Variants in RRP12 observed in about 807,000 individuals in gnomAD.
RRP12 encodes ribosomal RNA processing 12 homolog, also known as RRP12-like protein.
In RRP12, 78 loss-of-function variants were observed where a neutral mutation model predicts 157.3. That is an observed-to-expected ratio of 0.50 (90% CI 0.41 to 0.60). RRP12 has a LOEUF of 0.60. RRP12 is among the 20% of genes least tolerant of loss of function. RRP12 has a pLI of 0.00. For missense variants in RRP12, 1,521 were observed against 1,679.9 expected (o/e 0.91, Z 1.65); for synonymous variants, 726 against 670.9 (o/e 1.08, Z -1.27).
At position 97,388,615 on chromosome 10, in the gene RRP12, C is replaced by T. The variant is rs755167096; in HGVS notation, c.763G>A (p.Ala255Thr). 2 of 1,613,972 alleles carry T rather than the reference C, an allele frequency of 1.2e-6. No individual in the cohort carries two copies. The highest frequency in any genetic ancestry group is 2.2e-5 in the South Asian group (2 of 91,078). The change falls in exon 7 of 34, where the codon GCT becomes ACT. Residue 255 changes from alanine (A) to threonine (T), a missense_variant. Ala to Thr is a moderately conservative substitution (Grantham distance 58). Transcript: ENST00000370992. The stretch of plus-strand genomic sequence containing the variant: ...ACTGAGCATACTCCATGCTGGGCAG[C>T]CTTCCGGATCTGAGGGGCAAGGAGA... ...TVHPKPKIRKAAQHGVCSVLK... is the reference protein window; with the variant it reads ...TVHPKPKIRKTAQHGVCSVLK...
rs1456384089 is a variant in RRP12, at chr10:97,366,759, G to C, written c.3198C>G (p.Ala1066=). Residue 1066 remains alanine (A), a synonymous_variant, in exon 27 of 34, where the codon GCC becomes GCG. Coordinates refer to ENST00000370992, the MANE Select transcript of RRP12 (RefSeq NM_015179.4). ...GGTCTCACCTGTCACCTTTGCCCTGGGCGGGCTCCTCCTCCTCCTCCTCCT... is the reference window on the plus strand; with the variant it reads ...GGTCTCACCTGTCACCTTTGCCCTGCGCGGGCTCCTCCTCCTCCTCCTCCT... ...EEEEEEEEEP[A]QGKGDSIEEI... The C allele has an allele frequency of 6.2e-7, 1 of 1,612,346 alleles. No homozygotes were observed. Among genetic ancestry groups the C allele is most frequent in the Non-Finnish European group, 8.5e-7 (1 of 1,179,764 alleles).
intron 2 of RRP12, among the ~76,000 whole-genome samples, chr10:97,399,683 C>T (rs539570056): frequency 6.6e-5 from 10 of 151,234 alleles, no homozygotes; most frequent in South Asian, 4.2e-4. Context: ...GGTGAAACCC[C>T]GTCTCTACTA....
Position 97,390,677 on chromosome 10 carries a change from C to T in RRP12, c.636+62G>A, listed in dbSNP as rs1300518682. Reference sequence around the variant, plus strand: ...AAACCCCTCTCAGGGAACATCTAAGCATCACCAAATCAGACAGGCTCTGGG... The same window carrying T: ...AAACCCCTCTCAGGGAACATCTAAGTATCACCAAATCAGACAGGCTCTGGG... On this transcript the variant is annotated intron_variant, in intron 5 of 33. Coordinates refer to ENST00000370992, the MANE Select transcript of RRP12 (RefSeq NM_015179.4). 4.9e-5 allele frequency: 69 copies of T among 1,409,770 alleles called. No individual in the cohort carries two copies. In the South Asian group the frequency reaches 7.8e-4, roughly 16 times the overall value. The allele number at this position is 1,409,770 out of a possible 1,614,324, so 87.3% of individuals were successfully genotyped here. A position where few individuals can be genotyped will look rare whatever the true frequency, so the allele number is the denominator to read the frequency against.
Position 97,375,261 on chromosome 10 carries a change from T to TAA in RRP12, c.1799-1369_1799-1368dup, listed in dbSNP as rs11378492. On this transcript the variant is annotated intron_variant, in intron 15 of 33. Transcript: ENST00000370992. ...GGTGAGCCTACCACACCTGGCTAAC[T>TAA]AAAAAAAAAAAAAAAAAATTTTTAT... is the stretch of plus-strand genomic sequence containing the variant. Among the ~76,000 whole-genome samples the TAA allele has an allele frequency of 4.6e-3, 625 of 137,290 alleles. 5 individuals carry two copies. Among genetic ancestry groups the TAA allele is most frequent in the African/African-American group, 0.012 (453 of 36,532 alleles). 90.1% of individuals were successfully genotyped at this position (137,290 alleles called of 152,430 possible).
chr10:97,396,375 C>G, intron 2 of RRP12, 74 bp from the exon 3 acceptor site: 1 of 1,144,712 alleles, frequency 8.7e-7, no homozygotes, highest in Non-Finnish European at 1.3e-6. Flanking sequence ...TTTCCTTGCT[C>G]CTTCACAGAT....
chr10:97,373,468 A>G, intron 17 of RRP12, 107 bp downstream of exon 17: 1 of 1,254,544 alleles, frequency 8.0e-7, no homozygotes, highest in Non-Finnish European at 1.1e-6. Flanking sequence ...TGAGCTCCAG[A>G]GGTGAGTTTC....
In RRP12 at chr10:97,390,636, G is replaced by A. The variant is rs943094623; in HGVS notation, c.637-97C>T. The stretch of plus-strand genomic sequence containing the variant: ...ACTCCAGAAAATCGCATCTGTCTGA[G>A]GTCCCCAGGGTGCCTAAACCCCTCT... On this transcript the variant is annotated intron_variant, in intron 5 of 33. Transcript: ENST00000370992. 47 of 1,326,828 alleles carry A rather than the reference G, an allele frequency of 3.5e-5. 1 individual carries two copies. In the Middle Eastern group the frequency reaches 1.8e-3, roughly 51 times the overall value. 82.2% of individuals were successfully genotyped at this position (1,326,828 alleles called of 1,614,324 possible). A position where few individuals can be genotyped will look rare whatever the true frequency, so the allele number is the denominator to read the frequency against.
Position 97,376,752 on chromosome 10 carries a change from T to C in RRP12, c.1798+2541A>G, listed in dbSNP as rs1228930294. Among the ~76,000 whole-genome samples the C allele has an allele frequency of 2.0e-5, 3 of 152,208 alleles. No individual in the cohort carries two copies. In the East Asian group the frequency reaches 5.8e-4, roughly 29 times the overall value. On this transcript the variant is annotated intron_variant, in intron 15 of 33. Transcript: ENST00000370992. ...AACCAAAAATGTCTCCAGGCATTGC[T>C]GAATGTCCTACAGGCAGCAAAATCA...
intron 25 of RRP12, among the ~76,000 whole-genome samples, chr10:97,368,726 C>G (rs192868819): frequency 6.6e-6 from 1 of 152,300 alleles, no homozygotes; most frequent in Admixed American, 6.5e-5. Context: ...ACCTTTGGTC[C>G]CTAGTAGGCT....
intron 15 of RRP12, among the ~76,000 whole-genome samples, chr10:97,376,318 G>GA (rs374822733): frequency 5.4e-4 from 77 of 141,756 alleles, no homozygotes; most frequent in Middle Eastern, 4.0e-3. Context: ...GGGTGCAAAC[G>GA]ATTGTCCTGC....
chr10:97,381,344 A>T (rs1844461046), intron 12 of RRP12, 42 bp downstream of exon 12: 8 of 1,446,228 alleles, frequency 5.5e-6, no homozygotes, highest in Non-Finnish European at 7.6e-6. Context: ...ACTTTCCTCA[A>T]GGTACCACCA....
chr10:97,373,279 G>A, intron 17 of RRP12, 79 bp from the exon 18 acceptor site: 1 of 1,448,720 alleles, frequency 6.9e-7, no homozygotes, highest in Non-Finnish European at 9.5e-7. Flanking sequence ...GTGGCCCAGA[G>A]GCCCTCTCTT....
intron 29 of RRP12, 23 bp from the exon 30 acceptor site, chr10:97,363,926 C>T (rs1564748454): frequency 1.2e-6 from 2 of 1,612,366 alleles, no homozygotes; most frequent in East Asian, 4.5e-5. Flanking sequence ...AAGAGAGGCC[C>T]ATGAGCGCTG....
In RRP12 at chr10:97,379,659, G is replaced by A. The variant is rs1844408485; in HGVS notation, c.1645C>T (p.Gln549Ter). ...VTSMGPEVVL[Q>*]AVPLEIDGSE... Reference sequence around the variant, plus strand: ...CCATCAATTTCCAAAGGCACAGCCTGCAGCACCACCTCAGGTCCCATACTG... The same window carrying A: ...CCATCAATTTCCAAAGGCACAGCCTACAGCACCACCTCAGGTCCCATACTG... Residue 549 changes from glutamine (Q) to a stop codon, truncating the protein, a stop_gained, in exon 14 of 34, where the codon CAG becomes TAG. Coordinates refer to ENST00000370992, the MANE Select transcript of RRP12 (RefSeq NM_015179.4). LOFTEE classifies it high-confidence loss of function. 6.2e-7 allele frequency: 1 copy of A among 1,614,070 alleles called. No individual in the cohort carries two copies. The highest frequency in any genetic ancestry group is 8.5e-7 in the Non-Finnish European group (1 of 1,180,000).
chr10:97,376,020 G>C (rs1051185549), intron 15 of RRP12, among the ~76,000 whole-genome samples: 8 of 151,928 alleles, frequency 5.3e-5, no homozygotes, highest in African/African-American at 1.9e-4. Flanking sequence ...AGAATTGCTT[G>C]AAAACCTGGG....
At position 97,379,405 on chromosome 10, in the gene RRP12, C is replaced by T; in HGVS notation, c.1686G>A (p.Leu562=). The change falls in exon 15 of 34, where the codon CTG becomes CTA. Residue 562 remains leucine (L), a synonymous_variant. Coordinates refer to ENST00000370992, the MANE Select transcript of RRP12 (RefSeq NM_015179.4). ...PLEIDGSEET[L]DFPRSWLLPV... is the part of the protein sequence containing the mutation. ...GCAGCAGCCAGCTCCGTGGGAAATC[C>T]AGAGTCTCCCTGGGAAGAGAATGGG... 1 of 1,614,010 alleles carries T rather than the reference C, an allele frequency of 6.2e-7. No individual in the cohort carries two copies. Among genetic ancestry groups the T allele is most frequent in the Non-Finnish European group, 8.5e-7 (1 of 1,180,006 alleles).
At chr10:97,366,367 C>T in intron 28 of RRP12, 79 bp downstream of exon 28, 1 of 1,552,286 alleles carries the variant, frequency 6.4e-7, no homozygotes, top group Non-Finnish European at 8.7e-7. Context: ...GCCATGGATG[C>T]CACCCCCTAC....
intron 17 of RRP12, 152 bp downstream of exon 17, chr10:97,373,423 T>A: frequency 9.8e-7 from 1 of 1,025,404 alleles, no homozygotes; most frequent in Non-Finnish European, 1.4e-6. Context: ...CCAGCAAAGT[T>A]ATCCCCTGGG....
At chr10:97,369,015 G>A (rs1248560928) in intron 25 of RRP12, among the ~76,000 whole-genome samples, 1 of 152,046 alleles carries the variant, frequency 6.6e-6, no homozygotes, top group South Asian at 2.1e-4. Flanking sequence ...GGACCCAAAG[G>A]AATGGCCTCT....
Sources: allele counts gnomAD v4.1 joint callset (sites outside exome capture counted in the v4.1 genomes callset), GRCh38; gene constraint gnomAD v4.1.1; transcripts MANE v1.5; gene names NCBI Gene and HGNC (gene_info 2026-07-23, HGNC 2026-07-21).